Variants in C17orf107 observed in about 807,000 individuals in gnomAD.
C17orf107 encodes the protein uncharacterized protein C17orf107.
In C17orf107, 9 loss-of-function variants were observed where a neutral mutation model predicts 8.9. The observed-to-expected ratio is 1.02, with a 90% CI of 0.61 to 1.77. The LOEUF (loss-of-function observed/expected upper bound fraction) is 1.77, where lower values mean the gene tolerates loss of function less well. C17orf107 is among the 40% of genes most tolerant of loss of function. The pLI is 0.00. For missense variants in C17orf107, 281 were observed against 249.0 expected (o/e 1.13, Z -0.86); for synonymous variants, 139 against 120.3 (o/e 1.16, Z -1.02).
In C17orf107 at chr17:4,901,281, C is replaced by A. The variant is rs1292463901; in HGVS notation, c.*748C>A. ...GAAGAGGAGGCTGCGGCTGTCTGCA[C>A]CAGGGTCATGGGCCGTCAGGATGGG... On this transcript the variant is annotated 3_prime_UTR_variant, in exon 3 of 3. Transcript: ENST00000381365. 1.4e-6 allele frequency: 2 copies of A among 1,439,216 alleles called. No individual in the cohort carries two copies. The highest frequency in any genetic ancestry group is 4.6e-5 in the East Asian group (2 of 43,568). 89.2% of individuals were successfully genotyped at this position (1,439,216 alleles called of 1,614,324 possible).
chr17:4,906,686 G>A (rs1197176045), downstream of C17orf107, among the ~76,000 whole-genome samples: 1 of 151,858 alleles, frequency 6.6e-6, no homozygotes, highest in African/African-American at 2.4e-5. Flanking sequence ...GACCTCATCT[G>A]TAAATAAATA....
chr17:4,900,319 C>A lies in C17orf107; in HGVS notation c.359C>A (p.Ala120Glu), dbSNP rs1453925714. The change falls in exon 3 of 3, where the codon GCA (alanine) becomes GAA (glutamate). Residue 120 changes from alanine (A) to glutamate (E), a missense_variant. By Grantham distance (107) the Ala-to-Glu change is moderately radical (BLOSUM62 -1). Transcript: ENST00000381365. ...GCCCCAGACGGCAGGGATCCGGGTGCAGCGCTGAGCCGGGTAGCCCAAGCC... is the reference window on the plus strand; with the variant it reads ...GCCCCAGACGGCAGGGATCCGGGTGAAGCGCTGAGCCGGGTAGCCCAAGCC... ...GPAPDGRDPGAALSRVAQAAG... is the reference protein window; with the variant it reads ...GPAPDGRDPGEALSRVAQAAG... 3 of 1,545,060 alleles carry A rather than the reference C, an allele frequency of 1.9e-6. No individual in the cohort carries two copies. The East Asian group carries it at 7.3e-5, about 38-fold the overall frequency.
At position 4,901,366 on chromosome 17, in the gene C17orf107, C is replaced by A; in HGVS notation, c.*833C>A. 1.1e-6 allele frequency: 1 copy of A among 934,242 alleles called. No individual in the cohort carries two copies. The allele number at this position is 934,242 out of a possible 1,614,324, so 57.9% of individuals were successfully genotyped here. A position where few individuals can be genotyped will look rare whatever the true frequency, so the allele number is the denominator to read the frequency against. The stretch of plus-strand genomic sequence containing the variant: ...GGGTATGGAAAGCCAGAAGGCAGGA[C>A]TAGAGTAACAATCGAGAATGATTTC... On this transcript the variant is annotated 3_prime_UTR_variant, in exon 3 of 3. Transcript: ENST00000381365.
At chr17:4,905,311 G>A (rs964287197), downstream of C17orf107, among the ~76,000 whole-genome samples, 1 of 152,164 alleles carries the variant, frequency 6.6e-6, no homozygotes, top group African/African-American at 2.4e-5. Flanking sequence ...CTATTTGGGA[G>A]GCTGAGGCTG....
In C17orf107 at chr17:4,901,442, TG is replaced by T; in HGVS notation, c.*911del. The T allele has an allele frequency of 7.7e-7, 1 of 1,299,708 alleles. No homozygotes were observed. Among genetic ancestry groups the T allele is most frequent in the African/African-American group, 1.5e-5 (1 of 68,894 alleles). 80.5% of individuals were successfully genotyped at this position (1,299,708 alleles called of 1,614,324 possible). A position where few individuals can be genotyped will look rare whatever the true frequency, so the allele number is the denominator to read the frequency against. ...TGTGGAAGTCATCCTCCAGTGTCGT[TG>T]GTCCGGGGCAAGCCCACCGTGGAAG... On this transcript the variant is annotated 3_prime_UTR_variant, in exon 3 of 3. Transcript: ENST00000381365.
downstream of C17orf107, among the ~76,000 whole-genome samples, chr17:4,905,567 A>C (rs150788855): frequency 2.0e-5 from 3 of 152,118 alleles, no homozygotes; most frequent in East Asian, 5.8e-4. Flanking sequence ...TCTCAAAAAA[A>C]TGAAGTTTCC....
Position 4,901,842 on chromosome 17 carries a change from C to T in C17orf107, c.*1309C>T. 1 of 1,576,846 alleles carries T rather than the reference C, an allele frequency of 6.3e-7. No homozygotes were observed. ...TGGCTCCGCCTCCAGCGCGAAGCCC[C>T]GCCCCGAGGGCGGTGCTTCCCGGTT... On this transcript the variant is annotated 3_prime_UTR_variant, in exon 3 of 3. Coordinates refer to ENST00000381365, the MANE Select transcript of C17orf107 (RefSeq NM_001145536.2).
rs140023380 is a variant in C17orf107 at position 4,900,809 on chromosome 17, C to T, written c.*276C>T. ...CGGCTTCACCTGCCCAGGAGCGGCACGCTCAGAGAAGTCTCTGGGATTTTC... is the reference window on the plus strand; with the variant it reads ...CGGCTTCACCTGCCCAGGAGCGGCATGCTCAGAGAAGTCTCTGGGATTTTC... On this transcript the variant is annotated 3_prime_UTR_variant, in exon 3 of 3. Transcript: ENST00000381365. The T allele has an allele frequency of 5.8e-4, 935 of 1,613,810 alleles. 1 individual carries two copies. Among genetic ancestry groups the T allele is most frequent in the Non-Finnish European group, 6.3e-4 (747 of 1,179,872 alleles).
At chr17:4,900,173 C>A (rs922816336) in intron 2 of C17orf107, 28 bp downstream of exon 2, 1 of 1,545,272 alleles carries the variant, frequency 6.5e-7, no homozygotes, top group South Asian at 1.2e-5. Flanking sequence ...TTAGGATACG[C>A]GGCGATCGGG....
rs1487466917 is a variant in C17orf107, at chr17:4,901,352, G to A, written c.*819G>A. 4 of 959,176 alleles carry A rather than the reference G, an allele frequency of 4.2e-6. No homozygotes were observed. Among genetic ancestry groups the A allele is most frequent in the Non-Finnish European group, 6.5e-6 (4 of 616,482 alleles). The allele number at this position is 959,176 out of a possible 1,614,324, so 59.4% of individuals were successfully genotyped here. ...GGCATTCTCGTTGAGGGTATGGAAA[G>A]CCAGAAGGCAGGACTAGAGTAACAA... On this transcript the variant is annotated 3_prime_UTR_variant, in exon 3 of 3. Transcript: ENST00000381365.
rs1175424462 is a variant in C17orf107 at position 4,901,515 on chromosome 17, G to C, written c.*982G>C. The stretch of plus-strand genomic sequence containing the variant: ...AGAAGCGGGTTTTTCTGAGCAGGCA[G>C]GGGCTTCACCAGTATAGGCCTCTGT... On this transcript the variant is annotated 3_prime_UTR_variant, in exon 3 of 3. Transcript: ENST00000381365. The C allele has an allele frequency of 6.2e-7, 1 of 1,613,530 alleles. No homozygotes were observed. Among genetic ancestry groups the C allele is most frequent in the Non-Finnish European group, 8.5e-7 (1 of 1,179,438 alleles).
intron 1 of C17orf107, 53 bp from the exon 2 acceptor site, chr17:4,899,883 G>A (rs1010847156): frequency 6.5e-7 from 1 of 1,549,154 alleles, no homozygotes; most frequent in African/African-American, 1.4e-5. Flanking sequence ...TAGGTCTCCT[G>A]TTCGCCCCTG....
downstream of C17orf107, chr17:4,903,109 G>T (rs865902930): frequency 7.5e-6 from 12 of 1,606,616 alleles, 1 homozygote; most frequent in Middle Eastern, 2.0e-3. Flanking sequence ...GGCAGGCTTG[G>T]AGGGGGCATG....
Position 4,900,920 on chromosome 17 carries a change from C to G in C17orf107, c.*387C>G. 1 of 1,614,116 alleles carries G rather than the reference C, an allele frequency of 6.2e-7. No individual in the cohort carries two copies. Among genetic ancestry groups the G allele is most frequent in the Non-Finnish European group, 8.5e-7 (1 of 1,179,974 alleles). ...TTCTGGCCGCCGGCTGGAGGGAGAG[C>G]CAGTGAGAGCGGGCCCCGCCTCCCG... On this transcript the variant is annotated 3_prime_UTR_variant, in exon 3 of 3. Transcript: ENST00000381365.
At position 4,901,438 on chromosome 17, in the gene C17orf107, T is replaced by A. The variant is rs940813734; in HGVS notation, c.*905T>A. On this transcript the variant is annotated 3_prime_UTR_variant, in exon 3 of 3. Transcript: ENST00000381365. The stretch of plus-strand genomic sequence containing the variant: ...CAGTTGTGGAAGTCATCCTCCAGTG[T>A]CGTTGGTCCGGGGCAAGCCCACCGT... The A allele has an allele frequency of 1.6e-6, 2 of 1,234,692 alleles. No individual in the cohort carries two copies. Among genetic ancestry groups the A allele is most frequent in the African/African-American group, 3.0e-5 (2 of 67,482 alleles). The allele number at this position is 1,234,692 out of a possible 1,614,324, so 76.5% of individuals were successfully genotyped here.
chr17:4,900,123 G>C lies in C17orf107; in HGVS notation c.254G>C (p.Ser85Thr). 6.4e-7 allele frequency: 1 copy of C among 1,550,644 alleles called. No individual in the cohort carries two copies. Residue 85 changes from serine (S) to threonine (T), a missense_variant, in exon 2 of 3, where the codon AGC becomes ACC. Transcript: ENST00000381365. ...AGAGAAGCCACAGCCAGCCTCGTGA[G>C]CTTCGGCACCACCTTGTTAGAGGTG... ...VLREATASLV[S>T]FGTTLLEISA... is the part of the protein sequence containing the mutation.
At chr17:4,903,896 C>T (rs764841114), downstream of C17orf107, among the ~76,000 whole-genome samples, 15 of 152,224 alleles carry the variant, frequency 9.9e-5, no homozygotes, top group Non-Finnish European at 2.1e-4. Flanking sequence ...CTCGCTCTGG[C>T]GCCCAGACTG....
downstream of C17orf107, among the ~76,000 whole-genome samples, chr17:4,903,868 A>T (rs537773811): frequency 3.0e-3 from 454 of 151,970 alleles, 1 homozygote; most frequent in Non-Finnish European, 5.0e-3. Flanking sequence ...TTTAAAAAAA[A>T]TTTTTTTGAG....
In C17orf107 at chr17:4,901,620, T is replaced by A. The variant is rs148370803; in HGVS notation, c.*1087T>A. 297 of 1,613,902 alleles carry A rather than the reference T, an allele frequency of 1.8e-4. No homozygotes were observed. Among genetic ancestry groups the A allele is most frequent in the Middle Eastern group, 4.9e-4 (3 of 6,070 alleles). On this transcript the variant is annotated 3_prime_UTR_variant, in exon 3 of 3. Transcript: ENST00000381365. The stretch of plus-strand genomic sequence containing the variant: ...CTCCACCTCTTCGGCATTGTACGTC[T>A]GAGAGCTGCGGAGCCAGGGCCGGGA...
Sources: allele counts gnomAD v4.1 joint callset (sites outside exome capture counted in the v4.1 genomes callset), GRCh38; gene constraint gnomAD v4.1.1; transcripts MANE v1.5; gene names NCBI Gene and HGNC (gene_info 2026-07-23, HGNC 2026-07-21).